Variants in MARCHF6 observed in about 807,000 individuals in gnomAD.
MARCHF6 encodes membrane associated ring-CH-type finger 6, also known as E3 ubiquitin-protein ligase MARCHF6.
Under a neutral mutation model 133.7 loss-of-function variants are expected in MARCHF6, and 31 were observed. That is an observed-to-expected ratio of 0.23 (90% confidence interval 0.17 to 0.31). The LOEUF is 0.31. Ranked by LOEUF, MARCHF6 falls within the 10% of genes least tolerant of loss-of-function variation. The pLI, the probability that MARCHF6 is intolerant of heterozygous loss-of-function variation, is 1.00. For missense variants in MARCHF6, 723 were observed against 1,121.6 expected, an observed-to-expected ratio of 0.64 and a Z score of 5.08; for synonymous variants, 395 against 402.5, an observed-to-expected ratio of 0.98 and a Z score of 0.22.
intron 19 of MARCHF6, among the ~76,000 whole-genome samples, 164 bp from the exon 20 acceptor site, chr5:10,414,269 A>G (rs1221686776): frequency 6.6e-6 from 1 of 152,216 alleles, no homozygotes; most frequent in African/African-American, 2.4e-5. Flanking sequence ...GGCCTAAATC[A>G]TAGGTAATTT....
intron 15 of MARCHF6, among the ~76,000 whole-genome samples, chr5:10,404,506 T>C (rs1001026712): frequency 2.0e-5 from 3 of 152,222 alleles, no homozygotes; most frequent in Non-Finnish European, 4.4e-5. Context: ...TGCCGGACAC[T>C]ATACTGCATT....
chr5:10,415,609 G>A lies in MARCHF6; in HGVS notation c.2088G>A (p.Val696=), dbSNP rs1235540448. The A allele has an allele frequency of 4.3e-6, 7 of 1,614,148 alleles. No homozygotes were observed. Among genetic ancestry groups the A allele is most frequent in the Middle Eastern group, 1.7e-4 (1 of 6,058 alleles). The change falls in exon 21 of 26, where the codon GTG becomes GTA. Residue 696 remains valine, a synonymous_variant. Coordinates refer to ENST00000274140, the MANE Select transcript of MARCHF6 (RefSeq NM_005885.4). ...WLTIRAVTVM[V]AWMPQGRRVI... ...CCATAAGGGCTGTGACGGTGATGGT[G>A]GCATGGATGCCTCAGGGACGCAGAG...
At chr5:10,382,141 T>C (rs1737185511) in intron 4 of MARCHF6, among the ~76,000 whole-genome samples, 198 bp downstream of exon 4, 1 of 152,172 alleles carries the variant, frequency 6.6e-6, no homozygotes, top group Admixed American at 6.5e-5. Context: ...TTTGAGTGAA[T>C]GTGGGAAAGA....
At position 10,382,694 on chromosome 5, in the gene MARCHF6, G is replaced by A. The variant is rs182033954; in HGVS notation, c.334+751G>A. Among the ~76,000 whole-genome samples the A allele has an allele frequency of 5.1e-3, 777 of 151,908 alleles. 4 individuals carry two copies. The highest frequency in any genetic ancestry group is 0.018 in the African/African-American group (748 of 41,516). On this transcript the variant is annotated intron_variant, in intron 4 of 25. Coordinates refer to ENST00000274140, the MANE Select transcript of MARCHF6 (RefSeq NM_005885.4). ...ATACAAAAATTAGCCGGGTGTGGTG[G>A]TGTGTGCCTGTAATCTCAGCTACTC...
intron 23 of MARCHF6, among the ~76,000 whole-genome samples, chr5:10,424,222 A>G (rs980624932): frequency 1.3e-5 from 2 of 152,204 alleles, no homozygotes; most frequent in Admixed American, 1.3e-4. Flanking sequence ...AAGGAAAAGG[A>G]CTTTGAGTCT....
At chr5:10,380,169 G>A (rs1262114526) in intron 3 of MARCHF6, among the ~76,000 whole-genome samples, 4 of 151,662 alleles carry the variant, frequency 2.6e-5, no homozygotes, top group African/African-American at 9.7e-5. Flanking sequence ...GTGTGTGTGT[G>A]TGTGTGTGTG....
chr5:10,407,870 C>G, intron 17 of MARCHF6, among the ~76,000 whole-genome samples: 1 of 151,826 alleles, frequency 6.6e-6, no homozygotes, highest in East Asian at 1.9e-4. Context: ...GCAGGAGAAT[C>G]GCTTGAACCC....
chr5:10,411,317 T>C lies in MARCHF6; in HGVS notation c.1692-16T>C, dbSNP rs768957320. 6.2e-7 allele frequency: 1 copy of C among 1,607,526 alleles called. No homozygotes were observed. Among genetic ancestry groups the C allele is most frequent in the Non-Finnish European group, 8.5e-7 (1 of 1,174,144 alleles). On this transcript the variant is annotated splice_polypyrimidine_tract_variant and intron_variant, in intron 18 of 25. Transcript: ENST00000274140. ...GACCTGAAGTGAGACTTGTTACTGA[T>C]GTAATTTTTGCACAGGGATCTTCAT...
chr5:10,402,398 T>A lies in MARCHF6; in HGVS notation c.1068T>A (p.Leu356=), dbSNP rs1561131209. ...TLIICHGLAT[L]VKFHRSRRLL... is the part of the protein sequence containing the mutation. ...TGATGCTGTAGGGCTTGGCAACTCTTGTGAAATTTCATAGATCTCGTCGCT... is the reference window on the plus strand; with the variant it reads ...TGATGCTGTAGGGCTTGGCAACTCTAGTGAAATTTCATAGATCTCGTCGCT... The change falls in exon 13 of 26, where the codon CTT becomes CTA. Residue 356 remains leucine, a synonymous_variant. Transcript: ENST00000274140. 1 of 1,613,978 alleles carries A rather than the reference T, an allele frequency of 6.2e-7. No individual in the cohort carries two copies. The highest frequency in any genetic ancestry group is 8.5e-7 in the Non-Finnish European group (1 of 1,179,880).
At chr5:10,406,986 C>G in intron 16 of MARCHF6, 116 bp from the exon 17 acceptor site, 1 of 521,800 alleles carries the variant, frequency 1.9e-6, no homozygotes, top group Non-Finnish European at 3.5e-6. Flanking sequence ...ACCGCTTGGG[C>G]TTTGAGTAGA....
At chr5:10,422,775 G>A (rs1285013997) in intron 22 of MARCHF6, among the ~76,000 whole-genome samples, 2 of 152,066 alleles carry the variant, frequency 1.3e-5, no homozygotes, top group African/African-American at 4.8e-5. Context: ...TTAACAATCT[G>A]AGCAAAGTCC....
chr5:10,425,497 A>G (rs1561150698), intron 23 of MARCHF6, among the ~76,000 whole-genome samples: 1 of 152,242 alleles, frequency 6.6e-6, no homozygotes, highest in South Asian at 2.1e-4. Flanking sequence ...AATTTAAGAA[A>G]AATGGTTGGA....
intron 1 of MARCHF6, among the ~76,000 whole-genome samples, chr5:10,374,033 T>A (rs997914653): frequency 6.6e-6 from 1 of 151,238 alleles, no homozygotes; most frequent in Non-Finnish European, 1.5e-5. Flanking sequence ...TAGTGCCTAC[T>A]GAGGCGACCA....
At chr5:10,399,252 C>T (rs905695675) in intron 10 of MARCHF6, among the ~76,000 whole-genome samples, 4 of 151,956 alleles carry the variant, frequency 2.6e-5, no homozygotes, top group East Asian at 3.8e-4. Flanking sequence ...TTTTTCCTTA[C>T]CTTATTAAAT....
At chr5:10,394,727 A>G (rs1738073804) in intron 8 of MARCHF6, 26 bp from the exon 9 acceptor site, 1 of 1,566,758 alleles carries the variant, frequency 6.4e-7, no homozygotes, top group Non-Finnish European at 8.7e-7. Context: ...TCTTAAATTA[A>G]TGCTTATCGT....
At position 10,435,379 on chromosome 5, in the gene MARCHF6, GAA is replaced by G. The variant is rs201190018; in HGVS notation, c.*1709_*1710del. 24,315 of 130,804 alleles carry G rather than the reference GAA, an allele frequency of 0.19. 3,138 individuals are homozygous for G. Among genetic ancestry groups the G allele is most frequent in the East Asian group, 0.69 (3,350 of 4,864 alleles). The allele number at this position is 130,804 out of a possible 1,614,324, so 8.1% of individuals were successfully genotyped here. On this transcript the variant is annotated 3_prime_UTR_variant, in exon 26 of 26. Coordinates refer to ENST00000274140, the MANE Select transcript of MARCHF6 (RefSeq NM_005885.4). ...TTCGAGGCCAACCTAGGCAAAATTGGAAAAAAAAAAAAAAATCAGTATCAGAA... is the reference window on the plus strand; with the variant it reads ...TTCGAGGCCAACCTAGGCAAAATTGGAAAAAAAAAAAAATCAGTATCAGAA...
At chr5:10,371,285 AG>A (rs1736447904) in intron 1 of MARCHF6, among the ~76,000 whole-genome samples, 1 of 152,200 alleles carries the variant, frequency 6.6e-6, no homozygotes, top group Non-Finnish European at 1.5e-5. Context: ...TATTGTGAGG[AG>A]TAAGTGACAG....
intron 15 of MARCHF6, among the ~76,000 whole-genome samples, chr5:10,403,821 A>G (rs1016756582): frequency 2.6e-5 from 4 of 152,170 alleles, no homozygotes; most frequent in Non-Finnish European, 4.4e-5. Flanking sequence ...CACACTTCGT[A>G]TATACTTTAG....
At chr5:10,391,754 C>G in intron 7 of MARCHF6, 23 bp downstream of exon 7, 1 of 1,476,140 alleles carries the variant, frequency 6.8e-7, no homozygotes, top group Non-Finnish European at 9.0e-7. Context: ...TGTGTGTCCT[C>G]ACTCTTCAGC....
Sources: allele counts gnomAD v4.1 joint callset (sites outside exome capture counted in the v4.1 genomes callset), GRCh38; gene constraint gnomAD v4.1.1; transcripts MANE v1.5; gene names NCBI Gene and HGNC (gene_info 2026-07-23, HGNC 2026-07-21).